JADE1: variants seen among roughly 807,000 people sequenced by gnomAD.
JADE1 encodes protein Jade-1.
In JADE1, 14 loss-of-function variants were observed where a neutral mutation model predicts 81.8. The ratio of observed to expected loss-of-function variants is 0.17; its 90% CI spans 0.11 to 0.27. The LOEUF is 0.27. Ranked by LOEUF, JADE1 falls within the 10% of genes least tolerant of loss-of-function variation. The pLI, the probability that JADE1 is intolerant of heterozygous loss-of-function variation, is 1.00. For missense variants in JADE1, 690 were observed against 1,047.9 expected, an observed-to-expected ratio of 0.66 and a Z score of 4.71; for synonymous variants, 353 against 391.9, an observed-to-expected ratio of 0.90 and a Z score of 1.17.
Position 128,850,515 on chromosome 4 carries a change from T to C in JADE1, c.484+1348T>C, listed in dbSNP as rs1046250141. On this transcript the variant is annotated intron_variant, in intron 5 of 10. Transcript: ENST00000226319. Reference sequence around the variant, plus strand: ...ATGGTGTTGTCTTCTACTCGCTCAGTTACTCAAGTGTTTTTATAGACAAAA... The same window carrying C: ...ATGGTGTTGTCTTCTACTCGCTCAGCTACTCAAGTGTTTTTATAGACAAAA... Among the ~76,000 whole-genome samples, 5 of 152,154 alleles carry C rather than the reference T, an allele frequency of 3.3e-5. No individual in the cohort carries two copies. The East Asian group carries it at 7.7e-4, about 23-fold the overall frequency.
chr4:128,861,928 C>T lies in JADE1; in HGVS notation c.1206C>T (p.Ser402=). 6.2e-7 allele frequency: 1 copy of T among 1,614,104 alleles called. No individual in the cohort carries two copies. Among genetic ancestry groups the T allele is most frequent in the East Asian group, 2.2e-5 (1 of 44,884 alleles). The change falls in exon 9 of 11, where the codon AGC becomes AGT. Residue 402 remains serine, a synonymous_variant. Coordinates refer to ENST00000226319, the MANE Select transcript of JADE1 (RefSeq NM_199320.4). Reference sequence around the variant, plus strand: ...GGAATCCGCTGGAGCCCTTTGCCAGCCTTGAGCAGAACCGGGAGGAGGCCC... The same window carrying T: ...GGAATCCGCTGGAGCCCTTTGCCAGTCTTGAGCAGAACCGGGAGGAGGCCC... The part of the protein sequence containing the change: ...SPRNPLEPFA[S]LEQNREEAHR...
Position 128,866,164 on chromosome 4 carries a change from T to C in JADE1, c.1504-1692T>C, listed in dbSNP as rs537389922. 5.9e-5 allele frequency among the ~76,000 whole-genome samples: 9 copies of C among 152,324 alleles called. No homozygotes were observed. The South Asian group carries it at 1.9e-3, about 32-fold the overall frequency. ...CTATAAAGGACACCTGCTTCTTGGA[T>C]TGAGGGTGTGCAGCTGTCAGAGAAG... is the stretch of plus-strand genomic sequence containing the variant. On this transcript the variant is annotated intron_variant, in intron 9 of 10. Coordinates refer to ENST00000226319, the MANE Select transcript of JADE1 (RefSeq NM_199320.4).
intron 1 of JADE1, among the ~76,000 whole-genome samples, chr4:128,826,182 G>A (rs1372131719): frequency 6.6e-6 from 1 of 152,148 alleles, no homozygotes; most frequent in African/African-American, 2.4e-5. Flanking sequence ...TTGAGGAAAT[G>A]TAAACAGAAT....
At chr4:128,854,192 T>G (rs544543959) in intron 6 of JADE1, among the ~76,000 whole-genome samples, 23 of 152,186 alleles carry the variant, frequency 1.5e-4, no homozygotes, top group Non-Finnish European at 2.8e-4. Flanking sequence ...GTGCAAGCTC[T>G]CACGGTGGAC....
At chr4:128,829,326 C>T (rs549385327) in intron 1 of JADE1, among the ~76,000 whole-genome samples, 10 of 152,238 alleles carry the variant, frequency 6.6e-5, no homozygotes, top group East Asian at 5.8e-4. Context: ...GCTTGTAAAG[C>T]GTGTCCATAA....
Position 128,871,446 on chromosome 4 carries a change from C to T in JADE1, c.1713C>T (p.Asp571=), listed in dbSNP as rs138789537. 4.3e-6 allele frequency: 7 copies of T among 1,614,084 alleles called. No homozygotes were observed. The highest frequency in any genetic ancestry group is 1.1e-5 in the South Asian group (1 of 91,088). The change falls in exon 11 of 11, where the codon GAC becomes GAT. Residue 571 remains aspartate (D), a synonymous_variant. Coordinates refer to ENST00000226319, the MANE Select transcript of JADE1 (RefSeq NM_199320.4). This position sits in a 1 kb window ranked among gnomAD's most constrained non-coding sequence, Gnocchi z 4.1. The part of the protein sequence containing the change: ...SVGPDAPKIE[D]LKWHSAFFRK... ...GCCCTGATGCTCCCAAGATAGAGGA[C>T]TTGAAGTGGCATTCTGCATTCTTCA...
At chr4:128,836,415 T>C (rs1051416090) in intron 2 of JADE1, among the ~76,000 whole-genome samples, 6 of 152,016 alleles carry the variant, frequency 3.9e-5, no homozygotes, top group Non-Finnish European at 8.8e-5. Context: ...ATATAAAATA[T>C]ACTATTCATT....
intron 2 of JADE1, among the ~76,000 whole-genome samples, chr4:128,842,683 G>A (rs1167617215): frequency 3.9e-5 from 6 of 152,186 alleles, no homozygotes; most frequent in African/African-American, 1.2e-4. Context: ...ACACCTGCAT[G>A]GTGTTCTTAA....
intron 1 of JADE1, among the ~76,000 whole-genome samples, chr4:128,818,889 T>C (rs1261569368): frequency 6.6e-6 from 1 of 152,176 alleles, no homozygotes; most frequent in Admixed American, 6.5e-5. Context: ...TCTCACCCTG[T>C]TGTCCAGGCT....
rs1176875485 is a variant in JADE1, at chr4:128,852,211, T to C, written c.639T>C (p.Asp213=). ...DVVCDVCQSP[D]GEDGNEMVFC... ...TCTGTGATGTCTGCCAGTCTCCTGA[T>C]GGTGAGGACGGCAATGAGATGGTGT... Residue 213 remains aspartate, a synonymous_variant, in exon 6 of 11, where the codon GAT becomes GAC. Coordinates refer to ENST00000226319, the MANE Select transcript of JADE1 (RefSeq NM_199320.4). 3.7e-6 allele frequency: 6 copies of C among 1,613,976 alleles called. No individual in the cohort carries two copies. Among genetic ancestry groups the C allele is most frequent in the African/African-American group, 1.3e-5 (1 of 74,904 alleles).
At position 128,873,265 on chromosome 4, in the gene JADE1, A is replaced by G. The variant is rs561727304; in HGVS notation, c.*1003A>G. 4.9e-3 allele frequency: 739 copies of G among 149,740 alleles called. 6 individuals carry two copies. Among genetic ancestry groups the G allele is most frequent in the Non-Finnish European group, 8.4e-3 (565 of 67,390 alleles). 9.3% of individuals were successfully genotyped at this position (149,740 alleles called of 1,614,324 possible). On this transcript the variant is annotated 3_prime_UTR_variant, in exon 11 of 11. Transcript: ENST00000226319. ...ATTCCTTAAGAAAAAGGAAAAAAAA[A>G]AAAAAAAGAAAAAAAGAAAAAAAAA...
At chr4:128,825,931 C>T (rs565121879) in intron 1 of JADE1, among the ~76,000 whole-genome samples, 12 of 152,304 alleles carry the variant, frequency 7.9e-5, no homozygotes, top group South Asian at 4.1e-4. Context: ...TGCATCTCTT[C>T]GTGCAGTGAG....
At position 128,814,050 on chromosome 4, in the gene JADE1, A is replaced by T. The variant is rs562599956; in HGVS notation, c.-27+4173A>T. Among the ~76,000 whole-genome samples the T allele has an allele frequency of 3.2e-3, 489 of 151,972 alleles. 4 individuals are homozygous for T. The highest frequency in any genetic ancestry group is 0.011 in the African/African-American group (467 of 41,460). ...GATATGTGTTCATTTAAAAGAAAAAAAAAAAACCCACCTTCTTAGTTCTCC... is the reference window on the plus strand; with the variant it reads ...GATATGTGTTCATTTAAAAGAAAAATAAAAAACCCACCTTCTTAGTTCTCC... On this transcript the variant is annotated intron_variant, in intron 1 of 10. Coordinates refer to ENST00000226319, the MANE Select transcript of JADE1 (RefSeq NM_199320.4).
chr4:128,824,181 G>A lies in JADE1; in HGVS notation c.-26-7552G>A, dbSNP rs566826300. 3.2e-4 allele frequency among the ~76,000 whole-genome samples: 49 copies of A among 152,256 alleles called. 1 individual carries two copies. In the South Asian group the frequency reaches 1.0e-2, roughly 31 times the overall value. On this transcript the variant is annotated intron_variant, in intron 1 of 10. Transcript: ENST00000226319. ...CGCCTGTAATCCCAGCACTTTGGGA[G>A]GCCGAGGCGGGCGGATCATGAGGTC... is the stretch of plus-strand genomic sequence containing the variant.
At chr4:128,810,186 G>C (rs1012842655) in intron 1 of JADE1, 1 of 152,278 alleles carries the variant, frequency 6.6e-6, no homozygotes, top group South Asian at 2.1e-4. Flanking sequence ...CAGCCGCTGA[G>C]CGCAGCGTTA....
intron 1 of JADE1, among the ~76,000 whole-genome samples, chr4:128,813,705 G>A (rs1726718303): frequency 6.6e-6 from 1 of 152,022 alleles, no homozygotes; most frequent in African/African-American, 2.4e-5. Context: ...ACAGGCGTGA[G>A]CCACCACGCC....
intron 9 of JADE1, among the ~76,000 whole-genome samples, chr4:128,866,732 G>A (rs1436986964): frequency 6.6e-6 from 1 of 152,190 alleles, no homozygotes; most frequent in Non-Finnish European, 1.5e-5. Context: ...TTAGGAAAGT[G>A]AAGGCATGCC....
chr4:128,812,278 C>G (rs970051196), intron 1 of JADE1, among the ~76,000 whole-genome samples: 6 of 152,084 alleles, frequency 3.9e-5, no homozygotes, highest in African/African-American at 1.2e-4. Flanking sequence ...TCCTCCCGCG[C>G]TGTTGTTTCT....
chr4:128,821,267 A>G (rs1727542696), intron 1 of JADE1, among the ~76,000 whole-genome samples: 1 of 152,172 alleles, frequency 6.6e-6, no homozygotes, highest in East Asian at 1.9e-4. Context: ...AATAAGACAT[A>G]TAGGGCAAAT....
Sources: gnomAD v4.1 joint callset for allele counts (sites outside exome capture counted in the v4.1 genomes callset) on GRCh38, gnomAD v4.1.1 for gene constraint, Gnocchi (gnomAD v3.1) non-coding constraint, MANE v1.5 for transcripts, NCBI Gene and HGNC (gene_info 2026-07-23, HGNC 2026-07-21) for gene names.